The following SETDB2 variants were observed in gnomAD, a reference collection of about 807,000 sequenced individuals.
SETDB2 encodes the protein SET domain bifurcated histone lysine methyltransferase 2.
SETDB2 carries 56 observed loss-of-function variants against 82.5 expected under a neutral mutation model. The ratio of observed to expected loss-of-function variants is 0.68; its 90% CI spans 0.55 to 0.85. The LOEUF is 0.85. Among genes scored for constraint, SETDB2 ranks in the 40% least tolerant of loss-of-function variants. The probability of loss-of-function intolerance (pLI) is 0.00; values close to 1 mark genes in which losing one functional copy is unlikely to be tolerated. For synonymous variants in SETDB2, 272 were observed against 284.9 expected (o/e 0.95, Z 0.46); for missense variants, 677 against 816.4 (o/e 0.83, Z 2.08).
intron 8 of SETDB2, among the ~76,000 whole-genome samples, 162 bp from the exon 9 acceptor site, chr13:49,482,575 C>T (rs142464323): frequency 2.2e-3 from 338 of 152,082 alleles, no homozygotes; most frequent in African/African-American, 7.9e-3. Context: ...AGAAATATCA[C>T]ATTGGTCTTT....
At position 49,494,574 on chromosome 13, in the gene SETDB2, T is replaced by C. The variant is rs1186961050; in HGVS notation, c.*2725T>C. 4.6e-5 allele frequency: 7 copies of C among 152,178 alleles called. No individual in the cohort carries two copies. Among genetic ancestry groups the C allele is most frequent in the Admixed American group, 4.6e-4 (7 of 15,280 alleles). 9.4% of individuals were successfully genotyped at this position (152,178 alleles called of 1,614,324 possible). On this transcript the variant is annotated 3_prime_UTR_variant, in exon 14 of 14. Coordinates refer to ENST00000611815, the MANE Select transcript of SETDB2 (RefSeq NM_001160308.3). ...TTGCTGGGGAACACCCTAATGTCAG[T>C]CTCTTTATAAAGGGCCTTTCATTTT...
At position 49,444,818 on chromosome 13, in the gene SETDB2, A is replaced by C. The variant is rs1264218137; in HGVS notation, c.-381A>C. On this transcript the variant is annotated 5_prime_UTR_variant, in exon 1 of 14. Coordinates refer to ENST00000611815, the MANE Select transcript of SETDB2 (RefSeq NM_001160308.3). ...AAATGGACAGCAGTATAAAACCCAG[A>C]AGCAGAACTTGAAGGTTAAACCACT... The C allele has an allele frequency of 6.6e-6, 1 of 152,324 alleles. No individual in the cohort carries two copies. Among genetic ancestry groups the C allele is most frequent in the Non-Finnish European group, 1.5e-5 (1 of 68,132 alleles). The allele number at this position is 152,324 out of a possible 1,614,324, so 9.4% of individuals were successfully genotyped here.
Position 49,489,675 on chromosome 13 carries a change from C to T in SETDB2, c.1917+1045C>T, listed in dbSNP as rs115589686. ...GCAGTGGTGTGATCTCGGCCCACTG[C>T]GATCTCCGCCTCCTAGGTTCAAGCG... is the stretch of plus-strand genomic sequence containing the variant. On this transcript the variant is annotated intron_variant, in intron 12 of 13. Coordinates refer to ENST00000611815, the MANE Select transcript of SETDB2 (RefSeq NM_001160308.3). 9.1e-3 allele frequency among the ~76,000 whole-genome samples: 1,284 copies of T among 141,142 alleles called. 12 individuals carry two copies. The highest frequency in any genetic ancestry group is 0.02 in the African/African-American group (769 of 37,612). The allele number at this position is 141,142 out of a possible 152,430, so 92.6% of individuals were successfully genotyped here.
At chr13:49,452,541 C>A (rs914446469) in intron 2 of SETDB2, among the ~76,000 whole-genome samples, 2 of 152,324 alleles carry the variant, frequency 1.3e-5, no homozygotes, top group Non-Finnish European at 2.9e-5. Context: ...ACATTTGTTA[C>A]AATTAATGAA....
Position 49,482,723 on chromosome 13 carries a change from C to A in SETDB2, c.1157-14C>A. 6.4e-7 allele frequency: 1 copy of A among 1,551,312 alleles called. No homozygotes were observed. Among genetic ancestry groups the A allele is most frequent in the South Asian group, 1.1e-5 (1 of 87,914 alleles). ...CTTCTGTGTTGTTCAAACTCTTTAA[C>A]ATTTTCCTTTTAGGAAGATTACTAA... is the stretch of plus-strand genomic sequence containing the variant. On this transcript the variant is annotated splice_polypyrimidine_tract_variant and intron_variant, in intron 8 of 13. Coordinates refer to ENST00000611815, the MANE Select transcript of SETDB2 (RefSeq NM_001160308.3).
At chr13:49,479,951 G>C (rs959414494) in intron 6 of SETDB2, among the ~76,000 whole-genome samples, 7 of 152,124 alleles carry the variant, frequency 4.6e-5, no homozygotes, top group African/African-American at 1.7e-4. Context: ...GGAAATTAAA[G>C]GAATTGATTT....
At chr13:49,473,901 A>G (rs573550722) in intron 5 of SETDB2, among the ~76,000 whole-genome samples, 1 of 152,320 alleles carries the variant, frequency 6.6e-6, no homozygotes, top group South Asian at 2.1e-4. Flanking sequence ...GGAACTTGAC[A>G]CCTAATAATA....
chr13:49,444,332 T>G lies in SETDB2; in HGVS notation c.-867T>G, dbSNP rs1015118030. The G allele has an allele frequency of 3.6e-6, 1 of 276,394 alleles. No individual in the cohort carries two copies. The highest frequency in any genetic ancestry group is 7.2e-6 in the Non-Finnish European group (1 of 138,230). 17.1% of individuals were successfully genotyped at this position (276,394 alleles called of 1,614,324 possible). A position where few individuals can be genotyped will look rare whatever the true frequency, so the allele number is the denominator to read the frequency against. ...CAGGGCGGGACTGTTGTGGTTGAGA[T>G]GAAGGCTAGTAAATGGTGAAGTACT... On this transcript the variant is annotated 5_prime_UTR_variant, in exon 1 of 14. It removes an upstream start codon present in the reference 5' UTR. Coordinates refer to ENST00000611815, the MANE Select transcript of SETDB2 (RefSeq NM_001160308.3).
chr13:49,448,349 T>G (rs1408065701), intron 1 of SETDB2, among the ~76,000 whole-genome samples: 1 of 152,214 alleles, frequency 6.6e-6, no homozygotes, highest in East Asian at 1.9e-4. Context: ...TTATTTATTT[T>G]GTTGCTTTTT....
Position 49,492,089 on chromosome 13 carries a change from T to G in SETDB2, c.*240T>G. ...ACTTTACATGAGTAGGATGGAAGTG[T>G]ATATTTTATATGAAATACCACTGTA... On this transcript the variant is annotated 3_prime_UTR_variant, in exon 14 of 14. Coordinates refer to ENST00000611815, the MANE Select transcript of SETDB2 (RefSeq NM_001160308.3). The G allele has an allele frequency of 4.9e-6, 2 of 411,506 alleles. No individual in the cohort carries two copies. Among genetic ancestry groups the G allele is most frequent in the Non-Finnish European group, 9.0e-6 (2 of 221,628 alleles). The allele number at this position is 411,506 out of a possible 1,614,324, so 25.5% of individuals were successfully genotyped here. A position where few individuals can be genotyped will look rare whatever the true frequency, so the allele number is the denominator to read the frequency against.
At chr13:49,488,262 T>G (rs1004822753) in intron 11 of SETDB2, 28 bp from the exon 12 acceptor site, 2 of 1,543,186 alleles carry the variant, frequency 1.3e-6, no homozygotes, top group Middle Eastern at 1.8e-4. Flanking sequence ...GTATATTTCC[T>G]GATGTTTCCT....
intron 1 of SETDB2, chr13:49,446,463 G>GT (rs780611827): frequency 2.0e-5 from 9 of 449,142 alleles, no homozygotes; most frequent in African/African-American, 1.0e-4. Context: ...GCTTTCAAGT[G>GT]TTTTTTAATA....
intron 2 of SETDB2, among the ~76,000 whole-genome samples, chr13:49,455,269 T>G (rs1957862288): frequency 6.6e-6 from 1 of 152,160 alleles, no homozygotes; most frequent in South Asian, 2.1e-4. Context: ...TTCATCTAAT[T>G]GTGGATATTT....
chr13:49,491,733 T>G lies in SETDB2; in HGVS notation c.2008T>G (p.Tyr670Asp). Residue 670 changes from tyrosine (Y) to aspartate (D), a missense_variant and splice_region_variant, in exon 14 of 14, where the codon TAT becomes GAT. This residue lies in a region of SETDB2 where 420 missense variants were observed against 554.6 expected (regional missense o/e 0.76). Transcript: ENST00000611815. ...TCTTTTCAAATTTCTACTTTCTAGG[T>G]ATGTGAAAGCAAGAACAGAGCTAAC... ...FPLVAFFTNR[Y>D]VKARTELTWD... The G allele has an allele frequency of 6.2e-7, 1 of 1,604,838 alleles. No homozygotes were observed. The highest frequency in any genetic ancestry group is 8.5e-7 in the Non-Finnish European group (1 of 1,174,158).
intron 5 of SETDB2, among the ~76,000 whole-genome samples, chr13:49,475,491 A>ATT (rs879566250): frequency 1.5e-4 from 22 of 145,932 alleles, no homozygotes; most frequent in African/African-American, 5.0e-4. Context: ...CTTTTCACGG[A>ATT]TTTTTTTTTT....
chr13:49,459,505 T>C (rs1002358576), intron 2 of SETDB2, among the ~76,000 whole-genome samples: 6 of 152,228 alleles, frequency 3.9e-5, no homozygotes, highest in African/African-American at 1.4e-4. Context: ...AAGTGAGATT[T>C]AGCTTTTGAC....
chr13:49,449,697 T>C (rs1484005686), intron 1 of SETDB2, among the ~76,000 whole-genome samples: 1 of 152,222 alleles, frequency 6.6e-6, no homozygotes, highest in African/African-American at 2.4e-5. Context: ...TACTTTGCTT[T>C]CTCTCATCTT....
chr13:49,491,176 A>T (rs1958704046), intron 13 of SETDB2, among the ~76,000 whole-genome samples: 1 of 152,218 alleles, frequency 6.6e-6, no homozygotes, highest in Non-Finnish European at 1.5e-5. Flanking sequence ...CAAGAGGTAG[A>T]GTTTGCACCC....
chr13:49,451,268 A>C (rs1166170150), intron 1 of SETDB2, among the ~76,000 whole-genome samples: 1 of 150,962 alleles, frequency 6.6e-6, no homozygotes, highest in African/African-American at 2.4e-5. Context: ...TCCCCTTTTT[A>C]AAAGGTTTAT....
Sources: allele counts gnomAD v4.1 joint callset (sites outside exome capture counted in the v4.1 genomes callset), GRCh38; gene constraint gnomAD v4.1.1; regional missense constraint gnomAD v4.1.1; transcripts MANE v1.5; gene names NCBI Gene and HGNC (gene_info 2026-07-23, HGNC 2026-07-21).